The following SLC35A3 variants were observed in gnomAD, a reference collection of about 807,000 sequenced individuals.
SLC35A3 encodes the protein UDP-N-acetylglucosamine transporter.
In SLC35A3, 26 loss-of-function variants were observed where a neutral mutation model predicts 39.0. The ratio of observed to expected loss-of-function variants is 0.67; its 90% CI spans 0.49 to 0.92. SLC35A3 has a LOEUF of 0.92. Among genes scored for constraint, SLC35A3 ranks in the 40% least tolerant of loss-of-function variants. The probability of loss-of-function intolerance (pLI) is 0.00; values close to 1 mark genes in which losing one functional copy is unlikely to be tolerated. For missense variants in SLC35A3, 299 were observed against 371.6 expected (o/e 0.80, Z 1.61); for synonymous variants, 135 against 133.1 (o/e 1.01, Z -0.10).
intron 5 of SLC35A3, among the ~76,000 whole-genome samples, chr1:100,014,993 C>T (rs749542783): frequency 2.0e-5 from 3 of 151,772 alleles, no homozygotes; most frequent in Non-Finnish European, 2.9e-5. Flanking sequence ...CCCGTCTCTA[C>T]TAAAAATACA....
rs1308643009 is a variant in SLC35A3 at position 100,034,234 on chromosome 1, A to G, written c.*11758A>G. On this transcript the variant is annotated 3_prime_UTR_variant, in exon 8 of 8. Coordinates refer to ENST00000533028, the MANE Select transcript of SLC35A3 (RefSeq NM_012243.3). ...TCCTTTTTATCTCATTTTTGTTCTC[A>G]TAGCTGTTTTATTCCTCTTCTCTGT... is the stretch of plus-strand genomic sequence containing the variant. 6.6e-6 allele frequency: 1 copy of G among 151,706 alleles called. No individual in the cohort carries two copies. The highest frequency in any genetic ancestry group is 1.5e-5 in the Non-Finnish European group (1 of 67,930). 9.4% of individuals were successfully genotyped at this position (151,706 alleles called of 1,614,324 possible).
chr1:100,030,844 G>C lies in SLC35A3; in HGVS notation c.*8368G>C, dbSNP rs1456952125. 1 of 152,104 alleles carries C rather than the reference G, an allele frequency of 6.6e-6. No homozygotes were observed. The highest frequency in any genetic ancestry group is 1.5e-5 in the Non-Finnish European group (1 of 68,010). 9.4% of individuals were successfully genotyped at this position (152,104 alleles called of 1,614,324 possible). On this transcript the variant is annotated 3_prime_UTR_variant, in exon 8 of 8. Coordinates refer to ENST00000533028, the MANE Select transcript of SLC35A3 (RefSeq NM_012243.3). ...AGTGCTTTTTTAATATATGCATGCT[G>C]CTTCAATAGGTCTTTTAAATATAGC...
chr1:99,970,551 G>C (rs948749820), intron 1 of SLC35A3: 21 of 1,535,790 alleles, frequency 1.4e-5, no homozygotes, highest in Non-Finnish European at 1.8e-5. Context: ...GCTCTCGCTC[G>C]GTGTTGAGCC....
chr1:99,986,414 C>T (rs754032957), intron 1 of SLC35A3, among the ~76,000 whole-genome samples: 3 of 151,754 alleles, frequency 2.0e-5, no homozygotes, highest in Non-Finnish European at 4.4e-5. Context: ...GATCTGCCTG[C>T]CCCTGCGCCT....
rs1408227023 is a variant in SLC35A3, at chr1:99,970,669, C to G, written c.-19+507C>G. ...GGTAAGGCTAGTAAGAACACAAGGA[C>G]TGTTTGAAGTGGGGTGAGATTCTCA... On this transcript the variant is annotated intron_variant, in intron 1 of 7. Coordinates refer to ENST00000533028, the MANE Select transcript of SLC35A3 (RefSeq NM_012243.3). The G allele has an allele frequency of 2.7e-6, 4 of 1,492,984 alleles. No homozygotes were observed. In the East Asian group the frequency reaches 9.8e-5, roughly 37 times the overall value. The allele number at this position is 1,492,984 out of a possible 1,614,324, so 92.5% of individuals were successfully genotyped here.
At chr1:100,013,553 C>T (rs1659834329) in intron 5 of SLC35A3, among the ~76,000 whole-genome samples, 1 of 151,582 alleles carries the variant, frequency 6.6e-6, no homozygotes, top group South Asian at 2.1e-4. Flanking sequence ...GTCGAGGCTG[C>T]AGTGAGTTGT....
chr1:100,009,928 G>A (rs1659502846), intron 4 of SLC35A3, among the ~76,000 whole-genome samples: 1 of 152,186 alleles, frequency 6.6e-6, no homozygotes, highest in Non-Finnish European at 1.5e-5. Flanking sequence ...GAGCTCAGAA[G>A]AGATGTCAGT....
intron 7 of SLC35A3, among the ~76,000 whole-genome samples, chr1:100,021,141 T>C (rs1259416419): frequency 6.6e-6 from 1 of 151,968 alleles, no homozygotes; most frequent in African/African-American, 2.4e-5. Flanking sequence ...GGTGGGCAGA[T>C]CACTTGAGGT....
At position 100,011,683 on chromosome 1, in the gene SLC35A3, ATTATTTATTTATTTATTTATTTAT is replaced by A. The variant is rs143297934; in HGVS notation, c.634+181_634+204del. On this transcript the variant is annotated intron_variant, in intron 5 of 7. Coordinates refer to ENST00000533028, the MANE Select transcript of SLC35A3 (RefSeq NM_012243.3). ...ATGCTCTTGTCTTTTAAAACATTTT[ATTATTTATTTATTTATTTATTTAT>A]TTATTTATTTATTTATTTATTTATT... 2.2e-3 allele frequency: 379 copies of A among 170,062 alleles called. 5 individuals are homozygous for A. The highest frequency in any genetic ancestry group is 8.6e-3 in the South Asian group (39 of 4,560). 10.5% of individuals were successfully genotyped at this position (170,062 alleles called of 1,614,324 possible).
chr1:99,981,532 T>C (rs998207855), intron 1 of SLC35A3, among the ~76,000 whole-genome samples: 1 of 151,990 alleles, frequency 6.6e-6, no homozygotes, highest in African/African-American at 2.4e-5. Flanking sequence ...CAGGCTGGAG[T>C]GTAGCAGCGG....
intron 2 of SLC35A3, among the ~76,000 whole-genome samples, chr1:99,997,982 C>G (rs186295643): frequency 6.8e-4 from 103 of 152,072 alleles, no homozygotes; most frequent in African/African-American, 2.4e-3. Context: ...TTTTTTTCCT[C>G]TCCTGGTTGA....
intron 1 of SLC35A3, among the ~76,000 whole-genome samples, chr1:99,984,791 A>G (rs1657655190): frequency 6.6e-6 from 1 of 152,174 alleles, no homozygotes; most frequent in Admixed American, 6.5e-5. Context: ...CAGGATTAAA[A>G]TGGTATCACA....
chr1:99,977,556 AAGGGAGGAAGGGAGGGAGGAAGGGAGGG>A (rs1657188294), intron 1 of SLC35A3, among the ~76,000 whole-genome samples: 1 of 119,222 alleles, frequency 8.4e-6, no homozygotes. Context: ...AGGAAGGAGG[AAGGGAGGAAGGGAGGGAGGAAGGGAGGG>A]AGGGAGGGCG....
chr1:99,977,939 A>G (rs996343882), intron 1 of SLC35A3, among the ~76,000 whole-genome samples: 1 of 152,192 alleles, frequency 6.6e-6, no homozygotes, highest in South Asian at 2.1e-4. Flanking sequence ...ATGAGTAATT[A>G]TATTTTACTT....
rs71590280 is a variant in SLC35A3 at position 100,019,156 on chromosome 1, C to CTT, written c.887+1354_887+1355dup. Among the ~76,000 whole-genome samples the CTT allele has an allele frequency of 1.8e-3, 252 of 141,978 alleles. 1 individual carries two copies. The highest frequency in any genetic ancestry group is 6.1e-3 in the African/African-American group (236 of 38,782). The allele number at this position is 141,978 out of a possible 152,430, so 93.1% of individuals were successfully genotyped here. A position where few individuals can be genotyped will look rare whatever the true frequency, so the allele number is the denominator to read the frequency against. ...TTAGATTTTACTTTTAAAAGCATACCTTTTTTTTTTTTTTAAATTGAACCT... is the reference window on the plus strand; with the variant it reads ...TTAGATTTTACTTTTAAAAGCATACCTTTTTTTTTTTTTTTTAAATTGAACCT... On this transcript the variant is annotated intron_variant, in intron 7 of 7. Transcript: ENST00000533028.
chr1:100,010,000 A>T (rs1281361494), intron 4 of SLC35A3, among the ~76,000 whole-genome samples: 1 of 152,178 alleles, frequency 6.6e-6, no homozygotes, highest in Non-Finnish European at 1.5e-5. Flanking sequence ...GTAGAACTAC[A>T]CTGTCCAGTA....
chr1:100,001,841 G>A (rs766863774), intron 3 of SLC35A3, among the ~76,000 whole-genome samples: 29 of 151,966 alleles, frequency 1.9e-4, no homozygotes, highest in Non-Finnish European at 3.8e-4. Flanking sequence ...TGCTTTTTCT[G>A]CATCTATTGA....
At chr1:99,977,364 CAAAAAAAAA>C (rs61423393) in intron 1 of SLC35A3, among the ~76,000 whole-genome samples, 2 of 98,472 alleles carry the variant, frequency 2.0e-5, no homozygotes, top group Non-Finnish European at 4.4e-5. Flanking sequence ...TTAAAAATAC[CAAAAAAAAA>C]AAAAAAAAAA....
intron 1 of SLC35A3, among the ~76,000 whole-genome samples, chr1:99,988,011 A>G (rs1233999692): frequency 6.6e-6 from 1 of 152,218 alleles, no homozygotes; most frequent in Non-Finnish European, 1.5e-5. Context: ...TCTAATTTAC[A>G]TACAATAAAA....
Sources: gnomAD v4.1 joint callset for allele counts (sites outside exome capture counted in the v4.1 genomes callset) on GRCh38, gnomAD v4.1.1 for gene constraint, MANE v1.5 for transcripts, NCBI Gene and HGNC (gene_info 2026-07-23, HGNC 2026-07-21) for gene names.